GRIP2: variants seen among roughly 807,000 people sequenced by gnomAD.
GRIP2 encodes glutamate receptor interacting protein 2.
Under a neutral mutation model 108.3 loss-of-function variants are expected in GRIP2, and 58 were observed. The observed-to-expected ratio is 0.54, with a 90% CI of 0.43 to 0.67. The LOEUF (loss-of-function observed/expected upper bound fraction) is 0.67, where lower values mean the gene tolerates loss of function less well. Ranked by LOEUF, GRIP2 falls within the 30% of genes least tolerant of loss-of-function variation. The pLI, the probability that GRIP2 is intolerant of heterozygous loss-of-function variation, is 0.00. For synonymous variants in GRIP2, 586 were observed against 598.2 expected (o/e 0.98, Z 0.30); for missense variants, 1,278 against 1,430.6 (o/e 0.89, Z 1.72).
chr3:14,520,376 A>T lies in GRIP2; in HGVS notation c.860+14T>A. 6.2e-7 allele frequency: 1 copy of T among 1,610,814 alleles called. No homozygotes were observed. Among genetic ancestry groups the T allele is most frequent in the Non-Finnish European group, 8.5e-7 (1 of 1,178,632 alleles). Reference sequence around the variant, plus strand: ...ACACACCTCCATGGTGGCAGCACCCAGGGTGTGCCTTACCTGTCCACCACG... The same window carrying T: ...ACACACCTCCATGGTGGCAGCACCCTGGGTGTGCCTTACCTGTCCACCACG... On this transcript the variant is annotated intron_variant, in intron 8 of 23. Transcript: ENST00000621039.
At chr3:14,555,966 GC>G in exon 1 of GRIP2, 2 of 399,410 alleles carry the variant, frequency 5.0e-6, no homozygotes. Context: ...GTGCCCTCCT[GC>G]CCTCCGGCAG....
In GRIP2 at chr3:14,514,314, C is replaced by T. The variant is rs867221599; in HGVS notation, c.1471G>A (p.Glu491Lys). ...LSSPPLVCFI[E>K]PDSPAERCGL... is the part of the protein sequence containing the mutation. ...CACCTCTCAGCCGGACTGTCAGGCTCGATGAAGCACACGAGGGGTGGGGAG... is the reference window on the plus strand; with the variant it reads ...CACCTCTCAGCCGGACTGTCAGGCTTGATGAAGCACACGAGGGGTGGGGAG... Residue 491 changes from glutamate (E) to lysine (K), a missense_variant, in exon 12 of 24, where the codon GAG (glutamate) becomes AAG (lysine). Glu to Lys is a moderately conservative substitution (Grantham distance 56, BLOSUM62 1). Coordinates refer to ENST00000621039, the MANE Select transcript of GRIP2 (RefSeq NM_001080423.4). 3.2e-6 allele frequency: 5 copies of T among 1,567,234 alleles called. No individual in the cohort carries two copies. Among genetic ancestry groups the T allele is most frequent in the Non-Finnish European group, 4.3e-6 (5 of 1,158,250 alleles).
At chr3:14,513,842 G>A in intron 12 of GRIP2, 32 bp from the exon 13 acceptor site, 10 of 1,606,442 alleles carry the variant, frequency 6.2e-6, no homozygotes, top group Non-Finnish European at 7.7e-6. Flanking sequence ...GAGAGAAGAG[G>A]CTCCGTGACA....
chr3:14,535,035 GA>G (rs1400960269), intron 1 of GRIP2, among the ~76,000 whole-genome samples: 1 of 152,130 alleles, frequency 6.6e-6, no homozygotes, highest in Admixed American at 6.5e-5. Flanking sequence ...GGACCACTGA[GA>G]AAACAAATGC....
At position 14,540,136 on chromosome 3, in the gene GRIP2, C is replaced by CCCCAAG; in HGVS notation, c.40+127_40+132dup. The CCCCAAG allele has an allele frequency of 4.2e-6, 5 of 1,177,166 alleles. No individual in the cohort carries two copies. In the East Asian group the frequency reaches 1.3e-4, roughly 30 times the overall value. 72.9% of individuals were successfully genotyped at this position (1,177,166 alleles called of 1,614,324 possible). A position where few individuals can be genotyped will look rare whatever the true frequency, so the allele number is the denominator to read the frequency against. On this transcript the variant is annotated intron_variant, in intron 1 of 23. Coordinates refer to ENST00000621039, the MANE Select transcript of GRIP2 (RefSeq NM_001080423.4). The surrounding 1 kb of genome is among the most constrained non-coding windows in gnomAD (Gnocchi z 4.1). ...CCCAGCAAGTGTCCTGCCCCACCCT[C>CCCCAAG]CCCAAGCCCTGGGTCTCCAGGGAGT...
chr3:14,546,723 T>C (rs1388270156), upstream of GRIP2, among the ~76,000 whole-genome samples: 1 of 152,102 alleles, frequency 6.6e-6, no homozygotes, highest in African/African-American at 2.4e-5. Context: ...CAACTAACTG[T>C]CACCAGAGAA....
At chr3:14,508,781 G>A (rs964487723) in intron 17 of GRIP2, among the ~76,000 whole-genome samples, 1 of 152,150 alleles carries the variant, frequency 6.6e-6, no homozygotes, top group African/African-American at 2.4e-5. Context: ...TGTTCTTAAT[G>A]GTTTTTATTT....
the GRIP2 span, among the ~76,000 whole-genome samples, chr3:14,598,503 C>T: frequency 1.4e-3 from 216 of 151,806 alleles, no homozygotes; most frequent in Non-Finnish European, 2.3e-3. Context: ...AGCCTTTTAT[C>T]TCCCACAGCT....
chr3:14,541,750 A>G, upstream of GRIP2: 1 of 588,248 alleles, frequency 1.7e-6, no homozygotes. Context: ...TCCCTTGACC[A>G]GCAGTGATGC....
At chr3:14,525,407 T>G (rs1185742772) in intron 3 of GRIP2, 30 bp downstream of exon 3, 1 of 1,607,228 alleles carries the variant, frequency 6.2e-7, no homozygotes, top group South Asian at 1.1e-5. Context: ...TGCACCCCCC[T>G]CCTGCGGCCG....
chr3:14,583,033 T>C, the GRIP2 span, among the ~76,000 whole-genome samples: 3 of 152,330 alleles, frequency 2.0e-5, no homozygotes, highest in Admixed American at 6.5e-5. Context: ...ATTTCCCAGA[T>C]GAAGACACTG....
the GRIP2 span, among the ~76,000 whole-genome samples, chr3:14,594,431 G>A: frequency 3.9e-4 from 59 of 152,246 alleles, no homozygotes; most frequent in African/African-American, 1.3e-3. Flanking sequence ...GCTGGGAGCA[G>A]GCGTGACTCC....
At chr3:14,524,706 G>A (rs887584451) in intron 3 of GRIP2, among the ~76,000 whole-genome samples, 168 bp from the exon 4 acceptor site, 5 of 152,158 alleles carry the variant, frequency 3.3e-5, no homozygotes, top group African/African-American at 7.2e-5. Context: ...CACACAGCAC[G>A]TAAGAGAGTG....
At chr3:14,532,802 G>A (rs1285945001) in intron 1 of GRIP2, among the ~76,000 whole-genome samples, 3 of 151,920 alleles carry the variant, frequency 2.0e-5, no homozygotes, top group African/African-American at 7.3e-5. Flanking sequence ...GTAGAGTTGA[G>A]GGCGGGGCTC....
intron 11 of GRIP2, among the ~76,000 whole-genome samples, chr3:14,516,055 T>C (rs1446679118): frequency 6.6e-6 from 1 of 152,146 alleles, no homozygotes; most frequent in Non-Finnish European, 1.5e-5. Context: ...CTTTCTTAGT[T>C]ACACATCCCA....
rs139652934 is a variant in GRIP2 at position 14,538,210 on chromosome 3, G to A, written c.40+2059C>T. ...GCCAGTGGGCTGACTTCTCAGGGCT[G>A]CAGTCTTCTGTGCCAAATGTGGAGG... On this transcript the variant is annotated intron_variant, in intron 1 of 23. Coordinates refer to ENST00000621039, the MANE Select transcript of GRIP2 (RefSeq NM_001080423.4). 8.5e-4 allele frequency among the ~76,000 whole-genome samples: 129 copies of A among 152,324 alleles called. 1 individual carries two copies. Among genetic ancestry groups the A allele is most frequent in the African/African-American group, 3.0e-3 (124 of 41,584 alleles).
chr3:14,599,687 G>C, the GRIP2 span, among the ~76,000 whole-genome samples: 93 of 94,382 alleles, frequency 9.9e-4, no homozygotes, highest in African/African-American at 2.5e-3. Flanking sequence ...CTCTCTCTCT[G>C]TGTGTGTGTG....
rs1693911630 is a variant in GRIP2 at position 14,505,850 on chromosome 3, C to A, written c.2399-61G>T. 7.0e-7 allele frequency: 1 copy of A among 1,432,126 alleles called. No homozygotes were observed. The highest frequency in any genetic ancestry group is 1.5e-5 in the South Asian group (1 of 68,160). 88.7% of individuals were successfully genotyped at this position (1,432,126 alleles called of 1,614,324 possible). A position where few individuals can be genotyped will look rare whatever the true frequency, so the allele number is the denominator to read the frequency against. ...GCCTCACCTTGCCCTCCTGCCTGCC[C>A]CATTTCCAGCTGTGCTGAGTGACCC... is the stretch of plus-strand genomic sequence containing the variant. On this transcript the variant is annotated intron_variant, in intron 19 of 23. Transcript: ENST00000621039. The surrounding 1 kb of genome is among the most constrained non-coding windows in gnomAD (Gnocchi z 4.2).
At chr3:14,520,579 G>A in intron 7 of GRIP2, 42 bp from the exon 8 acceptor site, 3 of 1,608,780 alleles carry the variant, frequency 1.9e-6, no homozygotes, top group Non-Finnish European at 2.6e-6. Context: ...CAAATACCGA[G>A]CACTTTCCTC....
Sources: allele counts gnomAD v4.1 joint callset (sites outside exome capture counted in the v4.1 genomes callset), GRCh38; gene constraint gnomAD v4.1.1; non-coding constraint Gnocchi (gnomAD v3.1); transcripts MANE v1.5; gene names NCBI Gene and HGNC (gene_info 2026-07-23, HGNC 2026-07-21).